Variants in ASXL3 observed in about 807,000 individuals in gnomAD.
ASXL3 encodes ASXL transcriptional regulator 3.
A neutral mutation model predicts 170.6 loss-of-function variants in ASXL3; 34 were observed. The observed-to-expected ratio is 0.20, with a 90% confidence interval of 0.15 to 0.27. The LOEUF (loss-of-function observed/expected upper bound fraction) is 0.27, where lower values mean the gene tolerates loss of function less well. ASXL3 is among the 10% of genes least tolerant of loss of function. The pLI, the probability that ASXL3 is intolerant of heterozygous loss-of-function variation, is 1.00. For missense variants in ASXL3, 2,592 were observed against 2,695.3 expected (o/e 0.96, Z 0.85); for synonymous variants, 1,002 against 989.1 (o/e 1.01, Z -0.24).
chr18:33,584,151 T>A (rs2065015671), intron 1 of ASXL3, among the ~76,000 whole-genome samples: 1 of 152,034 alleles, frequency 6.6e-6, no homozygotes, highest in South Asian at 2.1e-4. Context: ...TTTAAGCAGG[T>A]GAAGAGAGAG....
chr18:33,580,933 C>A (rs537313414), intron 1 of ASXL3, among the ~76,000 whole-genome samples: 2 of 152,148 alleles, frequency 1.3e-5, no homozygotes, highest in South Asian at 4.1e-4. Flanking sequence ...TGCAAGGAAT[C>A]GTACTGGAAA....
intron 2 of ASXL3, among the ~76,000 whole-genome samples, chr18:33,611,222 A>G (rs1177875437): frequency 1.3e-5 from 2 of 152,010 alleles, no homozygotes; most frequent in Non-Finnish European, 2.9e-5. Context: ...ATTGAATTCT[A>G]TTTGGAAAAG....
chr18:33,593,616 A>G (rs1438774936), intron 1 of ASXL3, among the ~76,000 whole-genome samples: 1 of 152,198 alleles, frequency 6.6e-6, no homozygotes, highest in Non-Finnish European at 1.5e-5. Context: ...CCTTCAACTT[A>G]CTGATATTCA....
In ASXL3 at chr18:33,651,131, T is replaced by C. The variant is rs1265170147; in HGVS notation, c.355+4778T>C. 5.9e-5 allele frequency among the ~76,000 whole-genome samples: 9 copies of C among 152,220 alleles called. No homozygotes were observed. In the East Asian group the frequency reaches 1.7e-3, roughly 30 times the overall value. On this transcript the variant is annotated intron_variant, in intron 4 of 11. Transcript: ENST00000269197. ...TCATTGGTACGGTTTGCCTTTCCAA[T>C]GTTAGTTCACATCCATTATGATCCT...
At chr18:33,662,942 GAAA>G (rs1270433040) in intron 5 of ASXL3, among the ~76,000 whole-genome samples, 1 of 152,062 alleles carries the variant, frequency 6.6e-6, no homozygotes, top group Non-Finnish European at 1.5e-5. Context: ...ACATAGGAAA[GAAA>G]CTTAACATGG....
chr18:33,683,726 CAG>C (rs2066549772), intron 8 of ASXL3, 158 bp downstream of exon 8: 2 of 764,454 alleles, frequency 2.6e-6, no homozygotes, highest in South Asian at 5.6e-5. Flanking sequence ...TCCTCTAAAA[CAG>C]AACCATTTTT....
chr18:33,635,844 CTA>C (rs2145181781), intron 2 of ASXL3, among the ~76,000 whole-genome samples: 1 of 152,260 alleles, frequency 6.6e-6, no homozygotes, highest in African/African-American at 2.4e-5. Context: ...TATTTTATGT[CTA>C]CACATCCATG....
At position 33,743,148 on chromosome 18, in the gene ASXL3, A is replaced by C. The variant is rs372406936; in HGVS notation, c.3300A>C (p.Ala1100=). The part of the protein sequence containing the change: ...PGEGGKTRTL[A]HIKEQTKAKL... ...AGGGTGGAAAGACGAGAACTCTGGC[A>C]CACATCAAAGAGCAGACAAAGGCTA... is the stretch of plus-strand genomic sequence containing the variant. Residue 1100 remains alanine (A), a synonymous_variant, in exon 12 of 12, where the codon GCA becomes GCC. Transcript: ENST00000269197. 1.4e-5 allele frequency: 22 copies of C among 1,613,844 alleles called. No homozygotes were observed. The highest frequency in any genetic ancestry group is 1.0e-5 in the Non-Finnish European group (12 of 1,179,890).
In ASXL3 at chr18:33,746,909, G is replaced by T; in HGVS notation, c.*314G>T. 1 of 248,606 alleles carries T rather than the reference G, an allele frequency of 4.0e-6. No individual in the cohort carries two copies. The highest frequency in any genetic ancestry group is 7.6e-5 in the East Asian group (1 of 13,100). 15.4% of individuals were successfully genotyped at this position (248,606 alleles called of 1,614,324 possible). On this transcript the variant is annotated 3_prime_UTR_variant, in exon 12 of 12. Transcript: ENST00000269197. The stretch of plus-strand genomic sequence containing the variant: ...TTTAACCGAGGTGTAGATAGGAAAA[G>T]GACATTTTTAATTACTTAATAACCG...
chr18:33,682,043 A>C (rs921278632), intron 7 of ASXL3, among the ~76,000 whole-genome samples: 1 of 152,188 alleles, frequency 6.6e-6, no homozygotes, highest in African/African-American at 2.4e-5. Context: ...TTCATAATTA[A>C]AAAAAGTCAC....
At chr18:33,719,749 T>C (rs999636282) in intron 8 of ASXL3, among the ~76,000 whole-genome samples, 2 of 151,938 alleles carry the variant, frequency 1.3e-5, no homozygotes, top group Admixed American at 6.6e-5. Flanking sequence ...AGCTAGTCCC[T>C]TCCACCATGG....
chr18:33,588,360 T>G (rs1171244739), intron 1 of ASXL3, among the ~76,000 whole-genome samples: 3 of 96,082 alleles, frequency 3.1e-5, no homozygotes, highest in African/African-American at 3.0e-4. Context: ...AAGGAGCAGG[T>G]TTTTTTTTTT....
chr18:33,671,983 C>T, intron 7 of ASXL3, 117 bp downstream of exon 7: 1 of 1,126,762 alleles, frequency 8.9e-7, no homozygotes, highest in Non-Finnish European at 1.2e-6. Flanking sequence ...TAAAATTTCC[C>T]TCCATTTATC....
intron 2 of ASXL3, among the ~76,000 whole-genome samples, chr18:33,643,586 T>C (rs777352951): frequency 5.3e-5 from 8 of 151,944 alleles, no homozygotes; most frequent in African/African-American, 1.2e-4. Flanking sequence ...ATAATACTTA[T>C]AAATCCTTAT....
intron 8 of ASXL3, among the ~76,000 whole-genome samples, chr18:33,731,416 G>A (rs116181006): frequency 0.011 from 1,738 of 152,166 alleles, 26 homozygotes; most frequent in African/African-American, 0.039. Context: ...ATTATGTTCT[G>A]CTTCTACAGT....
At chr18:33,579,393 T>G (rs989225020) in intron 1 of ASXL3, among the ~76,000 whole-genome samples, 20 of 152,194 alleles carry the variant, frequency 1.3e-4, no homozygotes, top group Non-Finnish European at 2.2e-4. Flanking sequence ...GTTGGGTCAG[T>G]GTCATTTGTA....
chr18:33,683,532 A>G lies in ASXL3; in HGVS notation c.843A>G (p.Gln281=), dbSNP rs775365521. The G allele has an allele frequency of 5.6e-6, 9 of 1,613,428 alleles. No homozygotes were observed. The highest frequency in any genetic ancestry group is 7.6e-6 in the Non-Finnish European group (9 of 1,179,664). The part of the protein sequence containing the change: ...TFASLPQHFQ[Q]YLLLLLPEVD... ...CTTCCTTACCTCAGCATTTTCAACA[A>G]TACCTCCTGCTTTTGCTCCCAGAAG... The change falls in exon 8 of 12, where the codon CAA becomes CAG. Residue 281 remains glutamine (Q), a synonymous_variant. Transcript: ENST00000269197.
chr18:33,745,108 C>T lies in ASXL3; in HGVS notation c.5260C>T (p.Leu1754=). ...EANNPLVTQL[L]QGNLPLEKVL... is the part of the protein sequence containing the mutation. ...TAACAATCCGCTGGTGACGCAGTTA[C>T]TACAGGGCAACCTGCCTTTGGAAAA... Residue 1754 remains leucine (L), a synonymous_variant, in exon 12 of 12, where the codon CTA becomes TTA. Transcript: ENST00000269197. 1.9e-6 allele frequency: 3 copies of T among 1,614,036 alleles called. No homozygotes were observed. The highest frequency in any genetic ancestry group is 2.5e-6 in the Non-Finnish European group (3 of 1,179,900).
Position 33,740,437 on chromosome 18 carries a change from T to C in ASXL3, c.3033T>C (p.Pro1011=). The change falls in exon 11 of 12, where the codon CCT becomes CCC. Residue 1011 remains proline, a synonymous_variant. Coordinates refer to ENST00000269197, the MANE Select transcript of ASXL3 (RefSeq NM_030632.3). The part of the protein sequence containing the change: ...QPPREEPRVP[P]LKIQLSKIGP... ...CCAGAGAGGAACCAAGGGTTCCCCC[T>C]CTCAAGGTATGGTATTAAATAAACA... 2.6e-6 allele frequency: 4 copies of C among 1,562,852 alleles called. No individual in the cohort carries two copies. The highest frequency in any genetic ancestry group is 3.4e-6 in the Non-Finnish European group (4 of 1,161,242).
Sources: allele counts gnomAD v4.1 joint callset (sites outside exome capture counted in the v4.1 genomes callset), GRCh38; gene constraint gnomAD v4.1.1; transcripts MANE v1.5; gene names NCBI Gene and HGNC (gene_info 2026-07-23, HGNC 2026-07-21).